The following GAS7 variants were observed in gnomAD, a reference collection of about 807,000 sequenced individuals.
The protein encoded by GAS7 is growth arrest specific 7.
GAS7 carries 28 observed loss-of-function variants against 71.1 expected under a neutral mutation model. The ratio of observed to expected loss-of-function variants is 0.39; its 90% CI spans 0.29 to 0.54. GAS7 has a LOEUF of 0.54. GAS7 is among the 20% of genes least tolerant of loss of function. The probability of loss-of-function intolerance (pLI) is 0.62; values close to 1 mark genes in which losing one functional copy is unlikely to be tolerated. For missense variants in GAS7, 436 were observed against 627.8 expected, an observed-to-expected ratio of 0.69 and a Z score of 3.27; for synonymous variants, 258 against 245.8, an observed-to-expected ratio of 1.05 and a Z score of -0.46.
intron 1 of GAS7, among the ~76,000 whole-genome samples, chr17:10,161,746 T>C (rs557209945): frequency 6.6e-6 from 1 of 152,240 alleles, no homozygotes; most frequent in East Asian, 1.9e-4. Context: ...AATGCAAATG[T>C]CCAGTTGCCA....
chr17:10,003,916 T>C (rs1031108678), intron 2 of GAS7, among the ~76,000 whole-genome samples: 127 of 152,092 alleles, frequency 8.4e-4, no homozygotes, highest in African/African-American at 2.9e-3. Flanking sequence ...CAGAATGAAG[T>C]AACAAAAAAG....
chr17:10,137,734 T>C (rs1256138794), intron 1 of GAS7, among the ~76,000 whole-genome samples: 5 of 151,660 alleles, frequency 3.3e-5, no homozygotes, highest in South Asian at 4.2e-4. Context: ...AGAGACGGGG[T>C]TTTGCCATGT....
intron 5 of GAS7, among the ~76,000 whole-genome samples, chr17:9,947,697 T>C (rs1432958292): frequency 6.6e-6 from 1 of 150,906 alleles, no homozygotes; most frequent in African/African-American, 2.4e-5. Flanking sequence ...TGAGCCGAGA[T>C]GGCACCATTG....
rs556436473 is a variant in GAS7, at chr17:10,112,031, T to C, written c.183+86177A>G. ...CACTTCCGCAGTTGCACCAGCCACA[T>C]GTTAGTGGCTACCGTACTGGGCGTC... is the stretch of plus-strand genomic sequence containing the variant. On this transcript the variant is annotated intron_variant, in intron 1 of 13. Transcript: ENST00000432992. Among the ~76,000 whole-genome samples, 131 of 152,318 alleles carry C rather than the reference T, an allele frequency of 8.6e-4. 1 individual carries two copies. The highest frequency in any genetic ancestry group is 1.0e-4 in the Non-Finnish European group (7 of 68,010).
At chr17:10,076,972 T>G (rs1249861293) in intron 1 of GAS7, among the ~76,000 whole-genome samples, 1 of 152,234 alleles carries the variant, frequency 6.6e-6, no homozygotes, top group Non-Finnish European at 1.5e-5. Context: ...TTGACTGCCC[T>G]TTGCCATATT....
intron 1 of GAS7, among the ~76,000 whole-genome samples, chr17:10,075,502 G>C (rs1328819341): frequency 6.6e-6 from 1 of 152,068 alleles, no homozygotes; most frequent in Non-Finnish European, 1.5e-5. Context: ...ACACAGTGAG[G>C]CAACAAAAAG....
chr17:9,951,780 A>AAAAAAAAAAAAC (rs1567814280), intron 5 of GAS7, among the ~76,000 whole-genome samples: 1 of 141,940 alleles, frequency 7.0e-6, no homozygotes, highest in African/African-American at 2.8e-5. Context: ...AAAAAAAAAA[A>AAAAAAAAAAAAC]AAAAAACAAG....
intron 5 of GAS7, among the ~76,000 whole-genome samples, chr17:9,955,841 T>C (rs2069211537): frequency 6.6e-6 from 1 of 151,634 alleles, no homozygotes; most frequent in Non-Finnish European, 1.5e-5. Flanking sequence ...GCGTCTTCGC[T>C]CTTGCACCAA....
chr17:9,997,667 C>T (rs1186875147), intron 2 of GAS7, among the ~76,000 whole-genome samples: 5 of 152,198 alleles, frequency 3.3e-5, no homozygotes, highest in Admixed American at 3.3e-4. Flanking sequence ...CACAAGACTA[C>T]TCCCCACTTC....
Position 9,940,148 on chromosome 17 carries a change from A to G in GAS7, c.784T>C (p.Ser262Pro). ...CACCCTTCCTCCTGTGAAGCCAAGGAGTTCTGAGAGAGCTTAGCTAAGTTC... is the reference window on the plus strand; with the variant it reads ...CACCCTTCCTCCTGTGAAGCCAAGGGGTTCTGAGAGAGCTTAGCTAAGTTC... ...AKNLAKLSQN[S>P]LASQEEGSLG... The change falls in exon 8 of 14, where the codon TCC (serine) becomes CCC (proline). Residue 262 changes from serine (S) to proline (P), a missense_variant. Ser to Pro is a moderately conservative substitution (Grantham distance 74). Coordinates refer to ENST00000432992, the MANE Select transcript of GAS7 (RefSeq NM_201433.2). The G allele has an allele frequency of 6.2e-7, 1 of 1,606,090 alleles. No individual in the cohort carries two copies. Among genetic ancestry groups the G allele is most frequent in the South Asian group, 1.1e-5 (1 of 90,910 alleles).
intron 1 of GAS7, among the ~76,000 whole-genome samples, chr17:10,021,257 T>A (rs1320320931): frequency 1.3e-5 from 2 of 152,198 alleles, no homozygotes; most frequent in Non-Finnish European, 2.9e-5. Context: ...ATCCCCCAGC[T>A]GTGCCCATAG....
At chr17:10,093,357 G>A (rs928343027) in intron 1 of GAS7, among the ~76,000 whole-genome samples, 1 of 151,990 alleles carries the variant, frequency 6.6e-6, no homozygotes, top group Non-Finnish European at 1.5e-5. Context: ...AGATCACAAG[G>A]TCAACAGATT....
chr17:10,198,212 A>C lies in GAS7; in HGVS notation c.179T>G (p.Leu60Arg), dbSNP rs1288902010. 6.2e-7 allele frequency: 1 copy of C among 1,607,714 alleles called. No individual in the cohort carries two copies. Among genetic ancestry groups the C allele is most frequent in the Non-Finnish European group, 8.5e-7 (1 of 1,179,252 alleles). ...GCCCCGGCCCTCGCCCCTTACCTCC[A>C]GCAACTGCACGTAGCTCGCCGGGAA... ...GWFPASYVQL[L>R]EKPGMVPPPP... Residue 60 changes from leucine to arginine, a missense_variant, in exon 1 of 14, where the codon CTG becomes CGG. Transcript: ENST00000432992.
intron 2 of GAS7, among the ~76,000 whole-genome samples, chr17:10,005,732 G>A (rs2071504272): frequency 6.6e-6 from 1 of 152,126 alleles, no homozygotes; most frequent in Non-Finnish European, 1.5e-5. Flanking sequence ...TGACAATCCA[G>A]CAAGTGACAT....
At chr17:9,928,737 T>C (rs1363613182) in intron 9 of GAS7, among the ~76,000 whole-genome samples, 1 of 152,228 alleles carries the variant, frequency 6.6e-6, no homozygotes, top group Non-Finnish European at 1.5e-5. Context: ...AGCAACTGAC[T>C]TACACGGGGC....
chr17:9,975,288 G>C (rs1021815510), intron 3 of GAS7, among the ~76,000 whole-genome samples: 1 of 152,172 alleles, frequency 6.6e-6, no homozygotes, highest in Non-Finnish European at 1.5e-5. Context: ...CCGGGAGGTG[G>C]AGGCTGCAGT....
chr17:10,169,199 G>A (rs2074317020), intron 1 of GAS7, among the ~76,000 whole-genome samples: 1 of 152,068 alleles, frequency 6.6e-6, no homozygotes, highest in Admixed American at 6.6e-5. Flanking sequence ...CCAGGAGGCA[G>A]AAGTTGCAGT....
At chr17:10,010,363 A>C (rs1276446149) in intron 2 of GAS7, among the ~76,000 whole-genome samples, 1 of 152,058 alleles carries the variant, frequency 6.6e-6, no homozygotes, top group Non-Finnish European at 1.5e-5. Context: ...CGTGTTAGCC[A>C]GGATGGTCTT....
intron 2 of GAS7, among the ~76,000 whole-genome samples, chr17:10,015,572 T>G (rs181250605): frequency 1.7e-3 from 254 of 152,290 alleles, no homozygotes; most frequent in African/African-American, 5.8e-3. Context: ...GCTATTCTCA[T>G]AGATGCCTTC....
Sources: allele counts gnomAD v4.1 joint callset (sites outside exome capture counted in the v4.1 genomes callset), GRCh38; gene constraint gnomAD v4.1.1; transcripts MANE v1.5; gene names NCBI Gene and HGNC (gene_info 2026-07-23, HGNC 2026-07-21).